Variants in SLC5A10 observed in about 807,000 individuals in gnomAD.
The protein encoded by SLC5A10 is solute carrier family 5 member 10, also known as sodium/mannose cotransporter SLC5A10.
Under a neutral mutation model 68.9 loss-of-function variants are expected in SLC5A10, and 55 were observed. That is an observed-to-expected ratio of 0.80 (90% confidence interval 0.64 to 1.00). The LOEUF (loss-of-function observed/expected upper bound fraction) is 1.00, where lower values mean the gene tolerates loss of function less well. Ranked by LOEUF, SLC5A10 falls within the 50% of genes least tolerant of loss-of-function variation. The pLI is 0.00. For synonymous variants in SLC5A10, 344 were observed against 344.8 expected (o/e 1.00, Z 0.02); for missense variants, 732 against 819.3 (o/e 0.89, Z 1.30).
At chr17:18,961,256 C>G (rs568043576) in intron 5 of SLC5A10, among the ~76,000 whole-genome samples, 47 of 152,170 alleles carry the variant, frequency 3.1e-4, no homozygotes, top group Non-Finnish European at 5.0e-4. Flanking sequence ...CTAACCCTCC[C>G]GGTGACCTCA....
At chr17:18,997,693 C>G (rs539451891) in intron 9 of SLC5A10, among the ~76,000 whole-genome samples, 1 of 152,322 alleles carries the variant, frequency 6.6e-6, no homozygotes, top group African/African-American at 2.4e-5. Context: ...CACATGCTCT[C>G]TGCTGCGTTC....
Position 18,971,233 on chromosome 17 carries a change from C to A in SLC5A10, c.846+15C>A. The A allele has an allele frequency of 6.2e-7, 1 of 1,613,298 alleles. No homozygotes were observed. On this transcript the variant is annotated intron_variant, in intron 8 of 14. Transcript: ENST00000395645. This position sits in a 1 kb window ranked among gnomAD's most constrained non-coding sequence, Gnocchi z 5.5. ...GCACCGACCAGGTGAGTGCCAACGT[C>A]TCCCGCCCATCCCACCTTCCTGCCG...
intron 7 of SLC5A10, chr17:18,969,641 G>A (rs535925613): frequency 3.6e-5 from 18 of 502,434 alleles, no homozygotes; most frequent in South Asian, 2.4e-4. Context: ...CTGCTGCCCC[G>A]CTGTTACCAG....
chr17:18,966,765 AAC>A (rs1555571535), intron 5 of SLC5A10, among the ~76,000 whole-genome samples: 4 of 151,258 alleles, frequency 2.6e-5, no homozygotes, highest in Admixed American at 6.6e-5. Flanking sequence ...AAAAAAAAAA[AAC>A]AACACTCTGC....
intron 9 of SLC5A10, among the ~76,000 whole-genome samples, chr17:19,012,655 G>A (rs539846838): frequency 3.3e-5 from 5 of 152,142 alleles, no homozygotes; most frequent in East Asian, 2.0e-4. Flanking sequence ...AGGTGGGAGC[G>A]AGGAGGGACT....
At chr17:18,950,724 T>C, upstream of SLC5A10, 4 of 984,234 alleles carry the variant, frequency 4.1e-6, no homozygotes, top group Non-Finnish European at 4.8e-6. Context: ...GTTGTTGTTG[T>C]TTGTTTTGTG....
intron 1 of SLC5A10, among the ~76,000 whole-genome samples, chr17:18,956,597 C>T (rs1261495757): frequency 1.3e-5 from 2 of 151,314 alleles, no homozygotes; most frequent in African/African-American, 4.9e-5. Flanking sequence ...CCACCTCAGA[C>T]TCTAGAGTAG....
rs951468838 is a variant in SLC5A10 at position 18,968,798 on chromosome 17, A to C, written c.454-254A>C. 1 of 501,834 alleles carries C rather than the reference A, an allele frequency of 2.0e-6. No individual in the cohort carries two copies. Among genetic ancestry groups the C allele is most frequent in the African/African-American group, 2.0e-5 (1 of 50,952 alleles). The allele number at this position is 501,834 out of a possible 1,614,324, so 31.1% of individuals were successfully genotyped here. Reference sequence around the variant, plus strand: ...TCAATAACAACACTGCTTTTGGGAAAGGCATTGGCCACTTTGGACTTTATT... The same window carrying C: ...TCAATAACAACACTGCTTTTGGGAACGGCATTGGCCACTTTGGACTTTATT... On this transcript the variant is annotated intron_variant, in intron 5 of 14. Coordinates refer to ENST00000395645, the MANE Select transcript of SLC5A10 (RefSeq NM_001042450.4). This position sits in a 1 kb window ranked among gnomAD's most constrained non-coding sequence, Gnocchi z 4.1.
At position 18,976,993 on chromosome 17, in the gene SLC5A10, G is replaced by A; in HGVS notation, c.982+4G>A. ...ATCAGCCGCGCATTGTTCCCAGGTAGGACGGGCTCCGGGCACTGAACCCAG... is the reference window on the plus strand; with the variant it reads ...ATCAGCCGCGCATTGTTCCCAGGTAAGACGGGCTCCGGGCACTGAACCCAG... On this transcript the variant is annotated splice_donor_region_variant and intron_variant, in intron 9 of 14. Coordinates refer to ENST00000395645, the MANE Select transcript of SLC5A10 (RefSeq NM_001042450.4). 1 of 1,611,890 alleles carries A rather than the reference G, an allele frequency of 6.2e-7. No individual in the cohort carries two copies. The highest frequency in any genetic ancestry group is 8.5e-7 in the Non-Finnish European group (1 of 1,179,918).
rs2044211362 is a variant in SLC5A10 at position 19,019,462 on chromosome 17, G to A, written c.1281G>A (p.Trp427Ter). The A allele has an allele frequency of 6.2e-7, 1 of 1,611,900 alleles. No homozygotes were observed. The highest frequency in any genetic ancestry group is 2.2e-5 in the East Asian group (1 of 44,868). ...IVALIGVSVA[W>*]IPVLQDSNSG... is the part of the protein sequence containing the mutation. ...CACTCATCGGCGTGAGTGTGGCCTG[G>A]ATCCCCGTCCTGCAGGACTCCAACA... Residue 427 changes from tryptophan to a stop codon, truncating the protein, a stop_gained, in exon 12 of 15, where the codon TGG becomes TGA. Transcript: ENST00000395645. LOFTEE classifies it high-confidence loss of function.
intron 9 of SLC5A10, among the ~76,000 whole-genome samples, chr17:19,001,170 G>A (rs1013470631): frequency 6.6e-6 from 1 of 152,196 alleles, no homozygotes; most frequent in African/African-American, 2.4e-5. Flanking sequence ...ACTTGCTATT[G>A]TTATTATCCC....
chr17:18,976,914 C>T lies in SLC5A10; in HGVS notation c.907C>T (p.Leu303=), dbSNP rs748152199. 1.1e-5 allele frequency: 18 copies of T among 1,613,742 alleles called. No homozygotes were observed. The highest frequency in any genetic ancestry group is 3.3e-5 in the Admixed American group (2 of 60,020). ...DLNHAKAGSI[L]ASYLKMLPMG... ...GAACCATGCCAAGGCGGGCTCCATC[C>T]TGGCCAGCTACCTCAAGATGCTCCC... The change falls in exon 9 of 15, where the codon CTG becomes TTG. Residue 303 remains leucine (L), a synonymous_variant. Transcript: ENST00000395645.
chr17:18,957,171 C>T (rs995880277), intron 1 of SLC5A10, among the ~76,000 whole-genome samples: 1 of 152,042 alleles, frequency 6.6e-6, no homozygotes, highest in African/African-American at 2.4e-5. Flanking sequence ...AAACAAAATT[C>T]ATGAAGGAAG....
In SLC5A10 at chr17:19,018,618, AG is replaced by A. The variant is rs1483197240; in HGVS notation, c.1242-801del. ...CAAGTGTAGCATGTGCCTGTTGTAG[AG>A]GGGCTCTTGGCCTAAGGGAGAGGCA... On this transcript the variant is annotated intron_variant, in intron 11 of 14. Coordinates refer to ENST00000395645, the MANE Select transcript of SLC5A10 (RefSeq NM_001042450.4). The surrounding 1 kb of genome is among the most constrained non-coding windows in gnomAD (Gnocchi z 4.2). 6.6e-6 allele frequency: 1 copy of A among 152,396 alleles called. No homozygotes were observed. Among genetic ancestry groups the A allele is most frequent in the African/African-American group, 2.4e-5 (1 of 41,436 alleles). 9.4% of individuals were successfully genotyped at this position (152,396 alleles called of 1,614,324 possible). A position where few individuals can be genotyped will look rare whatever the true frequency, so the allele number is the denominator to read the frequency against.
chr17:19,016,769 C>T (rs2152159743), intron 11 of SLC5A10, among the ~76,000 whole-genome samples: 1 of 152,332 alleles, frequency 6.6e-6, no homozygotes, highest in South Asian at 2.1e-4. Context: ...TCTGGCTCCC[C>T]TGCCTCTCCT....
chr17:18,969,238 G>A, intron 6 of SLC5A10, 81 bp downstream of exon 6: 3 of 1,578,494 alleles, frequency 1.9e-6, no homozygotes, highest in East Asian at 2.2e-5. Context: ...AGGCCCGAGG[G>A]AGCAGCCCAG....
chr17:18,971,478 T>A lies in SLC5A10; in HGVS notation c.846+260T>A, dbSNP rs996742496. The A allele has an allele frequency of 1.2e-6, 2 of 1,614,014 alleles. No homozygotes were observed. Among genetic ancestry groups the A allele is most frequent in the Non-Finnish European group, 1.7e-6 (2 of 1,180,026 alleles). On this transcript the variant is annotated intron_variant, in intron 8 of 14. Coordinates refer to ENST00000395645, the MANE Select transcript of SLC5A10 (RefSeq NM_001042450.4). This position sits in a 1 kb window ranked among gnomAD's most constrained non-coding sequence, Gnocchi z 5.5. ...GACTGAGACAGTTTGGAGTATGGGA[T>A]TCCGAAGGGACTCGGATGCTCCTCG...
chr17:18,970,889 G>A (rs2042824276), intron 7 of SLC5A10, 124 bp from the exon 8 acceptor site: 1 of 797,276 alleles, frequency 1.3e-6, no homozygotes, highest in Admixed American at 2.2e-5. Flanking sequence ...TGGGAAAGAT[G>A]AGGTGGAAAA....
chr17:18,955,526 C>G (rs1377099668), intron 1 of SLC5A10, among the ~76,000 whole-genome samples: 5 of 152,168 alleles, frequency 3.3e-5, no homozygotes, highest in Non-Finnish European at 5.9e-5. Context: ...CCCCCAGAGC[C>G]CCAGATATAA....
Sources: allele counts gnomAD v4.1 joint callset (sites outside exome capture counted in the v4.1 genomes callset), GRCh38; gene constraint gnomAD v4.1.1; non-coding constraint Gnocchi (gnomAD v3.1); transcripts MANE v1.5; gene names NCBI Gene and HGNC (gene_info 2026-07-23, HGNC 2026-07-21).